Variants in ANKS1B observed in about 807,000 individuals in gnomAD.
The protein encoded by ANKS1B is ankyrin repeat and sterile alpha motif domain-containing protein 1B.
A neutral mutation model predicts 148.3 loss-of-function variants in ANKS1B; 36 were observed. The ratio of observed to expected loss-of-function variants is 0.24; its 90% confidence interval spans 0.19 to 0.32. The LOEUF is 0.32. Ranked by LOEUF, ANKS1B falls within the 10% of genes least tolerant of loss-of-function variation. ANKS1B has a pLI of 1.00. For synonymous variants in ANKS1B, 542 were observed against 560.8 expected (o/e 0.97, Z 0.47); for missense variants, 1,157 against 1,542.6 (o/e 0.75, Z 4.19).
intron 12 of ANKS1B, among the ~76,000 whole-genome samples, chr12:99,377,297 T>A (rs1452744098): frequency 2.0e-5 from 3 of 151,914 alleles, no homozygotes; most frequent in Admixed American, 6.6e-5. Context: ...GAGCCTGAGT[T>A]AACTAAAATG....
intron 22 of ANKS1B, among the ~76,000 whole-genome samples, chr12:98,792,414 T>C (rs975030712): frequency 6.6e-6 from 1 of 152,224 alleles, no homozygotes; most frequent in Non-Finnish European, 1.5e-5. Flanking sequence ...GTAATTATCA[T>C]ACCTGGAACC....
At chr12:99,902,677 G>T (rs2093639062) in intron 1 of ANKS1B, among the ~76,000 whole-genome samples, 1 of 151,896 alleles carries the variant, frequency 6.6e-6, no homozygotes, top group Admixed American at 6.6e-5. Context: ...AGACTACAAA[G>T]ATTAGGCAAA....
chr12:98,830,649 T>C (rs944964822), intron 18 of ANKS1B, among the ~76,000 whole-genome samples: 1 of 152,176 alleles, frequency 6.6e-6, no homozygotes, highest in Non-Finnish European at 1.5e-5. Flanking sequence ...GGTGCCGTGC[T>C]TGTGTTCATC....
chr12:99,811,778 A>G (rs978800328), intron 3 of ANKS1B, among the ~76,000 whole-genome samples: 10 of 151,916 alleles, frequency 6.6e-5, no homozygotes, highest in African/African-American at 2.4e-4. Flanking sequence ...CATTATGCAA[A>G]TGATAGGCAT....
intron 15 of ANKS1B, among the ~76,000 whole-genome samples, chr12:99,095,644 T>C (rs2153659494): frequency 1.3e-5 from 2 of 152,304 alleles, no homozygotes; most frequent in South Asian, 4.1e-4. Flanking sequence ...TCAGTGAAAA[T>C]AATGATGGGG....
chr12:99,541,119 T>A (rs1030911707), intron 9 of ANKS1B, among the ~76,000 whole-genome samples: 4 of 152,174 alleles, frequency 2.6e-5, no homozygotes, highest in Non-Finnish European at 4.4e-5. Context: ...AGATTGAATT[T>A]GTAATTTCAA....
intron 4 of ANKS1B, among the ~76,000 whole-genome samples, chr12:99,797,889 G>C (rs563955409): frequency 5.9e-5 from 9 of 152,110 alleles, no homozygotes; most frequent in African/African-American, 1.9e-4. Context: ...CATGTTTACA[G>C]CCCTGGGTTT....
rs377423370 is a variant in ANKS1B at position 99,002,771 on chromosome 12, T to C, written c.2778+50386A>G. 2.6e-5 allele frequency among the ~76,000 whole-genome samples: 4 copies of C among 152,382 alleles called. 1 individual carries two copies. The highest frequency in any genetic ancestry group is 9.6e-5 in the African/African-American group (4 of 41,592). ...CTCCATTACATAGTTTGCAAATGTT[T>C]TCTCCCATTCTATGGTAGTTTTTTT... On this transcript the variant is annotated intron_variant, in intron 17 of 26. Coordinates refer to ENST00000683438, the MANE Select transcript of ANKS1B (RefSeq NM_001352186.2).
intron 12 of ANKS1B, among the ~76,000 whole-genome samples, chr12:99,319,829 C>A (rs1177801890): frequency 1.3e-5 from 2 of 152,166 alleles, no homozygotes; most frequent in Non-Finnish European, 2.9e-5. Context: ...GTGGCTGGTA[C>A]CGGTTGTTCC....
chr12:99,586,663 C>T (rs2097644583), intron 9 of ANKS1B, among the ~76,000 whole-genome samples: 1 of 152,130 alleles, frequency 6.6e-6, no homozygotes, highest in African/African-American at 2.4e-5. Context: ...TAAAGGCATA[C>T]TCGAGGCTGG....
intron 17 of ANKS1B, among the ~76,000 whole-genome samples, chr12:98,944,170 C>T (rs191061608): frequency 4.5e-4 from 69 of 152,024 alleles, no homozygotes; most frequent in African/African-American, 1.5e-3. Flanking sequence ...TGTGGGGGCA[C>T]GTGCCTGTAA....
intron 1 of ANKS1B, among the ~76,000 whole-genome samples, chr12:99,930,063 C>T (rs913791785): frequency 3.2e-4 from 48 of 151,870 alleles, no homozygotes; most frequent in Non-Finnish European, 6.2e-4. Context: ...ATGGGGATGG[C>T]ATTGAATCTA....
intron 15 of ANKS1B, among the ~76,000 whole-genome samples, chr12:99,116,195 A>G (rs1054542820): frequency 2.6e-5 from 4 of 152,184 alleles, no homozygotes. Flanking sequence ...TTAAAGACAC[A>G]ACCTAAGAAC....
chr12:98,954,266 C>G (rs1476107810), intron 17 of ANKS1B: 1 of 152,216 alleles, frequency 6.6e-6, no homozygotes, highest in Non-Finnish European at 1.5e-5. Flanking sequence ...TTTAGTATCT[C>G]TGAAACACAA....
chr12:98,993,266 C>G (rs1377156101), intron 17 of ANKS1B, among the ~76,000 whole-genome samples: 3 of 152,152 alleles, frequency 2.0e-5, no homozygotes, highest in Non-Finnish European at 4.4e-5. Flanking sequence ...CTCCCAGGTT[C>G]CAGCGATTCA....
chr12:99,718,127 T>C (rs113493158), intron 8 of ANKS1B, among the ~76,000 whole-genome samples: 35,786 of 151,524 alleles, frequency 0.24, 4,758 homozygotes, highest in Non-Finnish European at 0.31. Flanking sequence ...ATGGTCTCGA[T>C]CTGACCTCGT....
chr12:99,983,915 A>G (rs1045835289), intron 1 of ANKS1B, among the ~76,000 whole-genome samples, 189 bp downstream of exon 1: 1 of 152,188 alleles, frequency 6.6e-6, no homozygotes, highest in African/African-American at 2.4e-5. Context: ...AAAATTACTC[A>G]AAGAATCTAA....
Position 99,926,337 on chromosome 12 carries a change from G to A in ANKS1B, c.134+57767C>T, listed in dbSNP as rs532702784. 2.8e-4 allele frequency among the ~76,000 whole-genome samples: 43 copies of A among 152,278 alleles called. 1 individual carries two copies. The highest frequency in any genetic ancestry group is 2.7e-3 in the South Asian group (13 of 4,822). ...CTTAGTCAAACATTATTTGGTGAAG[G>A]TGTTTAAATCGGTAGACTGAGTAAA... On this transcript the variant is annotated intron_variant, in intron 1 of 26. Coordinates refer to ENST00000683438, the MANE Select transcript of ANKS1B (RefSeq NM_001352186.2).
chr12:98,930,669 A>ATGAAAAAAAGACCACATATTGT (rs1292968287), intron 17 of ANKS1B, among the ~76,000 whole-genome samples: 1 of 151,962 alleles, frequency 6.6e-6, no homozygotes, highest in African/African-American at 2.4e-5. Flanking sequence ...AAAAAAACTA[A>ATGAAAAAAAGACCACATATTGT]TGAAAAAAAG....
Sources: gnomAD v4.1 joint callset for allele counts (sites outside exome capture counted in the v4.1 genomes callset) on GRCh38, gnomAD v4.1.1 for gene constraint, MANE v1.5 for transcripts, NCBI Gene and HGNC (gene_info 2026-07-23, HGNC 2026-07-21) for gene names.